Variants in PRKAG2 observed in about 807,000 individuals in gnomAD.
The protein encoded by PRKAG2 is 5'-AMP-activated protein kinase subunit gamma-2.
In PRKAG2, 26 loss-of-function variants were observed where a neutral mutation model predicts 69.6. The ratio of observed to expected loss-of-function variants is 0.37; its 90% confidence interval spans 0.27 to 0.52. The LOEUF is 0.52. PRKAG2 is among the 20% of genes least tolerant of loss of function. The pLI is 0.90. For missense variants in PRKAG2, 557 were observed against 740.0 expected (o/e 0.75, Z 2.87); for synonymous variants, 293 against 285.0 (o/e 1.03, Z -0.28).
intron 1 of PRKAG2, among the ~76,000 whole-genome samples, chr7:151,789,815 A>C (rs1360369388): frequency 6.6e-6 from 1 of 152,180 alleles, no homozygotes; most frequent in Admixed American, 6.5e-5. Context: ...GTGCCTCCCA[A>C]GGAGGAGTCT....
chr7:151,805,943 A>G (rs2078077894), intron 1 of PRKAG2, among the ~76,000 whole-genome samples: 1 of 152,256 alleles, frequency 6.6e-6, no homozygotes, highest in Non-Finnish European at 1.5e-5. Context: ...TCACGCCTAT[A>G]GTCCAAGCAT....
At position 151,600,793 on chromosome 7, in the gene PRKAG2, A is replaced by C. The variant is rs983852569; in HGVS notation, c.755-5339T>G. ...CCTTGACTTTTCCTTGTTCAATTTC[A>C]ATCCAACCTCAACGGACATCTTTTC... On this transcript the variant is annotated intron_variant, in intron 5 of 15. Coordinates refer to ENST00000287878, the MANE Select transcript of PRKAG2 (RefSeq NM_016203.4). Among the ~76,000 whole-genome samples the C allele has an allele frequency of 3.9e-5, 6 of 152,120 alleles. No individual in the cohort carries two copies. The East Asian group carries it at 5.8e-4, about 15-fold the overall frequency.
intron 1 of PRKAG2, among the ~76,000 whole-genome samples, chr7:151,843,854 C>A (rs2079367110): frequency 6.6e-6 from 1 of 152,268 alleles, no homozygotes; most frequent in Admixed American, 6.5e-5. Flanking sequence ...CATCTCACAT[C>A]CATGGACATG....
intron 5 of PRKAG2, among the ~76,000 whole-genome samples, chr7:151,628,025 G>C (rs1486365640): frequency 6.6e-6 from 1 of 152,176 alleles, no homozygotes; most frequent in African/African-American, 2.4e-5. Context: ...GCTGAACTGG[G>C]ATGAAATAAG....
rs1263821411 is a variant in PRKAG2 at position 151,638,787 on chromosome 7, G to A, written c.685-6649C>T. Reference sequence around the variant, plus strand: ...AAAAAGCACTCCTTTACGCACAGAGGTCGGATATGAGTTTGCTCTGCCTCT... The same window carrying A: ...AAAAAGCACTCCTTTACGCACAGAGATCGGATATGAGTTTGCTCTGCCTCT... On this transcript the variant is annotated intron_variant, in intron 4 of 15. Coordinates refer to ENST00000287878, the MANE Select transcript of PRKAG2 (RefSeq NM_016203.4). This position sits in a 1 kb window ranked among gnomAD's most constrained non-coding sequence, Gnocchi z 4.3. Among the ~76,000 whole-genome samples, 1 of 152,172 alleles carries A rather than the reference G, an allele frequency of 6.6e-6. No individual in the cohort carries two copies. Among genetic ancestry groups the A allele is most frequent in the Non-Finnish European group, 1.5e-5 (1 of 68,040 alleles).
intron 1 of PRKAG2, among the ~76,000 whole-genome samples, chr7:151,874,025 A>ATGTATG (rs1186856354): frequency 1.1e-5 from 1 of 87,804 alleles, no homozygotes; most frequent in African/African-American, 5.3e-5. Flanking sequence ...TATGTATATG[A>ATGTATG]TGTATATGTA....
intron 14 of PRKAG2, among the ~76,000 whole-genome samples, chr7:151,561,063 G>A (rs1804842349): frequency 6.6e-6 from 1 of 152,186 alleles, no homozygotes; most frequent in Non-Finnish European, 1.5e-5. Context: ...GTATTAAAAA[G>A]TCACAGCCCT....
In PRKAG2 at chr7:151,631,642, C is replaced by G. The variant is rs4726071; in HGVS notation, c.754+427G>C. Reference sequence around the variant, plus strand: ...AAAAAAGAAGACACACCCTACCGGTCATATCTTCACAGGCGCAGATAAGGG... The same window carrying G: ...AAAAAAGAAGACACACCCTACCGGTGATATCTTCACAGGCGCAGATAAGGG... On this transcript the variant is annotated intron_variant, in intron 5 of 15. Transcript: ENST00000287878. 3,312 of 455,754 alleles carry G rather than the reference C, an allele frequency of 7.3e-3. 76 individuals carry two copies. Among genetic ancestry groups the G allele is most frequent in the African/African-American group, 0.058 (2,903 of 50,174 alleles). 28.2% of individuals were successfully genotyped at this position (455,754 alleles called of 1,614,324 possible).
At chr7:151,787,213 A>G (rs1554599778) in intron 1 of PRKAG2, among the ~76,000 whole-genome samples, 1 of 152,196 alleles carries the variant, frequency 6.6e-6, no homozygotes, top group Non-Finnish European at 1.5e-5. Context: ...TTGTGGTAAA[A>G]TACACATAAC....
At position 151,781,016 on chromosome 7, in the gene PRKAG2, GAGA is replaced by G. The variant is rs1372581320; in HGVS notation, c.466+133_466+135del. 8.5e-7 allele frequency: 1 copy of G among 1,179,692 alleles called. No homozygotes were observed. Among genetic ancestry groups the G allele is most frequent in the Non-Finnish European group, 1.2e-6 (1 of 804,978 alleles). The allele number at this position is 1,179,692 out of a possible 1,614,324, so 73.1% of individuals were successfully genotyped here. A position where few individuals can be genotyped will look rare whatever the true frequency, so the allele number is the denominator to read the frequency against. ...TTGTTTAGGGGGAAGTGGGGGTGGG[GAGA>G]AACAGATACAGGCACTCAGCACCAA... On this transcript the variant is annotated intron_variant, in intron 3 of 15. Transcript: ENST00000287878. This position sits in a 1 kb window ranked among gnomAD's most constrained non-coding sequence, Gnocchi z 6.1.
chr7:151,815,370 A>G (rs2078611355), intron 1 of PRKAG2, among the ~76,000 whole-genome samples: 6 of 152,050 alleles, frequency 3.9e-5, no homozygotes, highest in Admixed American at 3.9e-4. Flanking sequence ...CTCATCTGTG[A>G]GCTTGCTTTT....
At chr7:151,562,172 G>C (rs1253186988) in intron 14 of PRKAG2, among the ~76,000 whole-genome samples, 1 of 148,032 alleles carries the variant, frequency 6.8e-6, no homozygotes, top group East Asian at 2.0e-4. Flanking sequence ...TTGAACCTGG[G>C]AGGCGGAGGT....
intron 1 of PRKAG2, among the ~76,000 whole-genome samples, chr7:151,861,155 A>G (rs932118587): frequency 6.6e-6 from 1 of 152,164 alleles, no homozygotes; most frequent in African/African-American, 2.4e-5. Flanking sequence ...GAATAAGGAG[A>G]CCTATTGAAC....
chr7:151,687,795 AT>A (rs2151515713), intron 3 of PRKAG2, among the ~76,000 whole-genome samples: 1 of 152,304 alleles, frequency 6.6e-6, no homozygotes, highest in South Asian at 2.1e-4. Flanking sequence ...TCCCTGTGGA[AT>A]GTTGGGGAGA....
rs1272111687 is a variant in PRKAG2, at chr7:151,697,326, C to T, written c.467-21689G>A. Among the ~76,000 whole-genome samples the T allele has an allele frequency of 2.6e-5, 4 of 152,122 alleles. No individual in the cohort carries two copies. In the East Asian group the frequency reaches 5.8e-4, roughly 22 times the overall value. On this transcript the variant is annotated intron_variant, in intron 3 of 15. Transcript: ENST00000287878. ...GGACCTGTGTCCGAGCATCAGGGGGCGCTGCAAGTGGGCATGCTGGGTGCC... is the reference window on the plus strand; with the variant it reads ...GGACCTGTGTCCGAGCATCAGGGGGTGCTGCAAGTGGGCATGCTGGGTGCC...
intron 3 of PRKAG2, among the ~76,000 whole-genome samples, chr7:151,747,492 G>T (rs1005936785): frequency 2.0e-5 from 3 of 152,128 alleles, no homozygotes; most frequent in Admixed American, 2.0e-4. Context: ...GGAAGGCGGG[G>T]TTTGTAGTGA....
chr7:151,725,947 T>C (rs778713403), intron 3 of PRKAG2, among the ~76,000 whole-genome samples: 7 of 152,146 alleles, frequency 4.6e-5, no homozygotes, highest in Non-Finnish European at 8.8e-5. Context: ...CTATTTTTAG[T>C]GTAGAGGCTG....
intron 5 of PRKAG2, among the ~76,000 whole-genome samples, chr7:151,620,161 C>A (rs1448169250): frequency 1.2e-4 from 18 of 152,204 alleles, no homozygotes; most frequent in African/African-American, 4.3e-4. Flanking sequence ...ATGAGGTATA[C>A]TTTTAGCTAC....
intron 3 of PRKAG2, among the ~76,000 whole-genome samples, chr7:151,684,485 G>A (rs935141552): frequency 5.9e-5 from 9 of 152,312 alleles, no homozygotes; most frequent in East Asian, 1.9e-4. Flanking sequence ...TGAGCTGCCC[G>A]TGGGCTTTGT....
Sources: allele counts gnomAD v4.1 joint callset (sites outside exome capture counted in the v4.1 genomes callset), GRCh38; gene constraint gnomAD v4.1.1; non-coding constraint Gnocchi (gnomAD v3.1); transcripts MANE v1.5; gene names NCBI Gene and HGNC (gene_info 2026-07-23, HGNC 2026-07-21).